MBNL1: variants seen among roughly 807,000 people sequenced by gnomAD.
MBNL1 encodes muscleblind-like protein 1.
Under a neutral mutation model 42.2 loss-of-function variants are expected in MBNL1, and 8 were observed. The ratio of observed to expected loss-of-function variants is 0.19; its 90% CI spans 0.11 to 0.34. MBNL1 has a LOEUF of 0.34. MBNL1 is among the 10% of genes least tolerant of loss of function. MBNL1 has a pLI of 1.00. For missense variants in MBNL1, 309 were observed against 495.3 expected (o/e 0.62, Z 3.57); for synonymous variants, 169 against 173.9 (o/e 0.97, Z 0.22).
chr3:152,431,110 T>C (rs931472777), intron 3 of MBNL1, among the ~76,000 whole-genome samples: 3 of 152,218 alleles, frequency 2.0e-5, no homozygotes, highest in Non-Finnish European at 4.4e-5. Flanking sequence ...ACAGAAGAGT[T>C]CCCTAAGAAA....
intron 9 of MBNL1, among the ~76,000 whole-genome samples, chr3:152,461,049 T>C (rs945435775): frequency 6.6e-6 from 1 of 152,152 alleles, no homozygotes; most frequent in Non-Finnish European, 1.5e-5. Flanking sequence ...AAGGTGTTGT[T>C]CTAAAGAGAA....
chr3:152,416,844 TCACA>T (rs2098710518), intron 3 of MBNL1, among the ~76,000 whole-genome samples: 1 of 152,232 alleles, frequency 6.6e-6, no homozygotes, highest in African/African-American at 2.4e-5. Context: ...AATCACTAAA[TCACA>T]GATTTCTGAA....
intron 5 of MBNL1, chr3:152,446,890 G>A: frequency 1.5e-6 from 1 of 678,166 alleles, no homozygotes; most frequent in Non-Finnish European, 2.4e-6. Context: ...AAAACTGAGT[G>A]TGGTTTCCTG....
chr3:152,344,214 A>G (rs1226944824), intron 2 of MBNL1, among the ~76,000 whole-genome samples: 1 of 152,202 alleles, frequency 6.6e-6, no homozygotes, highest in Non-Finnish European at 1.5e-5. Flanking sequence ...AAGAACAAAG[A>G]GAATTAACTA....
chr3:152,298,343 G>T (rs1224869659), intron 1 of MBNL1, among the ~76,000 whole-genome samples: 1 of 151,986 alleles, frequency 6.6e-6, no homozygotes, highest in Non-Finnish European at 1.5e-5. Flanking sequence ...AAGTAAAAAT[G>T]CCCTGCTCTA....
intron 2 of MBNL1, among the ~76,000 whole-genome samples, chr3:152,388,696 A>T (rs537640405): frequency 3.3e-5 from 5 of 152,232 alleles, no homozygotes; most frequent in Non-Finnish European, 7.3e-5. Flanking sequence ...ATGACCACTG[A>T]TTCTGGTTCA....
chr3:152,422,286 G>T (rs1483719669), intron 3 of MBNL1, among the ~76,000 whole-genome samples: 1 of 96,438 alleles, frequency 1.0e-5, no homozygotes, highest in Non-Finnish European at 2.2e-5. Context: ...AAAAAAAAAA[G>T]CAGGAGTTGC....
chr3:152,296,691 TGTG>T (rs1202746797), intron 1 of MBNL1, among the ~76,000 whole-genome samples: 92 of 151,956 alleles, frequency 6.1e-4, no homozygotes, highest in African/African-American at 2.2e-3. Flanking sequence ...TGTGTGTGTG[TGTG>T]TGTGTGTTTT....
At chr3:152,278,266 T>C (rs1286555446) in intron 1 of MBNL1, among the ~76,000 whole-genome samples, 1 of 152,088 alleles carries the variant, frequency 6.6e-6, no homozygotes, top group African/African-American at 2.4e-5. Context: ...CTGCATTGTC[T>C]ACCTAGTGGC....
At chr3:152,353,395 T>C (rs2095252112) in intron 2 of MBNL1, among the ~76,000 whole-genome samples, 1 of 152,204 alleles carries the variant, frequency 6.6e-6, no homozygotes, top group African/African-American at 2.4e-5. Context: ...ACCAACTTAA[T>C]GCAACAGAGG....
At chr3:152,411,451 C>T (rs866927595) in intron 2 of MBNL1, among the ~76,000 whole-genome samples, 75 of 152,258 alleles carry the variant, frequency 4.9e-4, no homozygotes, top group African/African-American at 1.7e-3. Context: ...ACCCAGGAGG[C>T]GGAGCTTGCA....
intron 1 of MBNL1, among the ~76,000 whole-genome samples, chr3:152,272,199 A>T (rs1041614317): frequency 6.6e-6 from 1 of 152,170 alleles, no homozygotes; most frequent in African/African-American, 2.4e-5. Context: ...TCAAAACAAT[A>T]AAATTGGCTT....
intron 2 of MBNL1, among the ~76,000 whole-genome samples, chr3:152,364,765 G>A (rs1053195008): frequency 3.3e-5 from 5 of 151,942 alleles, no homozygotes; most frequent in African/African-American, 1.2e-4. Context: ...AAAAAAAATT[G>A]GTCAGATACT....
intron 2 of MBNL1, 74 bp from the exon 3 acceptor site, chr3:152,414,867 T>C: frequency 6.8e-7 from 1 of 1,467,436 alleles, no homozygotes; most frequent in Non-Finnish European, 9.5e-7. Flanking sequence ...GTGGGTGGTT[T>C]GCATTATATT....
chr3:152,358,484 T>G lies in MBNL1; in HGVS notation c.175-56457T>G, dbSNP rs150597176. Among the ~76,000 whole-genome samples, 786 of 152,262 alleles carry G rather than the reference T, an allele frequency of 5.2e-3. 7 individuals carry two copies. Among genetic ancestry groups the G allele is most frequent in the African/African-American group, 0.018 (756 of 41,540 alleles). ...GAGAGCAAGAAATATTTGAAAAATATGTATTTCATTTACTGTTAAATATCC... is the reference window on the plus strand; with the variant it reads ...GAGAGCAAGAAATATTTGAAAAATAGGTATTTCATTTACTGTTAAATATCC... On this transcript the variant is annotated intron_variant, in intron 2 of 9. Transcript: ENST00000324210.
chr3:152,377,529 C>T (rs7651564), intron 2 of MBNL1, among the ~76,000 whole-genome samples: 19,922 of 152,220 alleles, frequency 0.13, 1,611 homozygotes, highest in African/African-American at 0.23. Flanking sequence ...GGGTCTAATA[C>T]ATGTGAAGCT....
At chr3:152,445,151 C>A (rs1455270735) in intron 4 of MBNL1, 131 bp from the exon 5 acceptor site, 2 of 683,624 alleles carry the variant, frequency 2.9e-6, no homozygotes, top group Admixed American at 5.7e-5. Flanking sequence ...TTACTTGTTG[C>A]CTTGTTTGAA....
At chr3:152,444,162 T>C (rs1233521569) in intron 4 of MBNL1, among the ~76,000 whole-genome samples, 3 of 152,200 alleles carry the variant, frequency 2.0e-5, no homozygotes, top group Non-Finnish European at 4.4e-5. Flanking sequence ...TTAAAAACTG[T>C]TTCCTTGAAG....
At chr3:152,456,241 C>G (rs771627579) in intron 7 of MBNL1, 26 bp from the exon 8 acceptor site, 1 of 1,517,924 alleles carries the variant, frequency 6.6e-7, no homozygotes, top group Admixed American at 1.7e-5. Flanking sequence ...TCTGTATGTT[C>G]GCTTATATGA....
Sources: gnomAD v4.1 joint callset for allele counts (sites outside exome capture counted in the v4.1 genomes callset) on GRCh38, gnomAD v4.1.1 for gene constraint, MANE v1.5 for transcripts, NCBI Gene and HGNC (gene_info 2026-07-23, HGNC 2026-07-21) for gene names.